The following CCSER1 variants were observed in gnomAD, a reference collection of about 807,000 sequenced individuals.
CCSER1 encodes the protein serine-rich coiled-coil domain-containing protein 1.
In CCSER1, 41 loss-of-function variants were observed where a neutral mutation model predicts 82.0. That is an observed-to-expected ratio of 0.50 (90% CI 0.39 to 0.65). The LOEUF (loss-of-function observed/expected upper bound fraction) is 0.65, where lower values mean the gene tolerates loss of function less well. Among genes scored for constraint, CCSER1 ranks in the 30% least tolerant of loss-of-function variants. CCSER1 has a pLI of 0.00. For missense variants in CCSER1, 1,119 were observed against 1,064.2 expected (o/e 1.05, Z -0.72); for synonymous variants, 414 against 383.9 (o/e 1.08, Z -0.92).
At chr4:90,561,205 A>G (rs530216281) in intron 5 of CCSER1, among the ~76,000 whole-genome samples, 2 of 152,302 alleles carry the variant, frequency 1.3e-5, no homozygotes, top group Admixed American at 6.5e-5. Flanking sequence ...ATCCTTTTCT[A>G]TCTCCTGCCT....
Position 90,271,858 on chromosome 4 carries a change from ATATATTTTTTTTT to A in CCSER1, c.-41-36384_-41-36372del, listed in dbSNP as rs1294889812. Among the ~76,000 whole-genome samples the A allele has an allele frequency of 2.5e-4, 6 of 24,392 alleles. No homozygotes were observed. In the East Asian group the frequency reaches 4.8e-3, roughly 19 times the overall value. The allele number at this position is 24,392 out of a possible 152,430, so 16.0% of individuals were successfully genotyped here. ...TATATATATATATATATATATATAT[ATATATTTTTTTTT>A]TTTTTTTTTTTTTTTTTTTAAAAGG... On this transcript the variant is annotated intron_variant, in intron 1 of 10. Transcript: ENST00000509176.
chr4:91,097,809 G>A (rs868317213), intron 10 of CCSER1, among the ~76,000 whole-genome samples: 3 of 152,108 alleles, frequency 2.0e-5, no homozygotes, highest in Non-Finnish European at 4.4e-5. Context: ...GGAAAAAAGT[G>A]TACATTTTAA....
chr4:91,236,515 A>G (rs1029428099), intron 10 of CCSER1, among the ~76,000 whole-genome samples: 5 of 152,038 alleles, frequency 3.3e-5, no homozygotes, highest in Non-Finnish European at 7.4e-5. Context: ...AAAATTGGTA[A>G]CTTTGTGGGT....
intron 10 of CCSER1, among the ~76,000 whole-genome samples, chr4:91,300,482 CAT>C (rs1744582752): frequency 6.6e-6 from 1 of 151,838 alleles, no homozygotes; most frequent in Admixed American, 6.6e-5. Flanking sequence ...GAGGCTGAGA[CAT>C]ATGCCTCAGG....
intron 1 of CCSER1, among the ~76,000 whole-genome samples, chr4:90,241,813 A>T (rs1297898555): frequency 6.6e-6 from 1 of 152,232 alleles, no homozygotes; most frequent in African/African-American, 2.4e-5. Context: ...GTTTAATTGT[A>T]ATATGGAAAA....
chr4:90,405,414 A>G (rs539998475), intron 4 of CCSER1, among the ~76,000 whole-genome samples: 1 of 152,352 alleles, frequency 6.6e-6, no homozygotes, highest in South Asian at 2.1e-4. Flanking sequence ...CAGAAGAGAT[A>G]TCTAAAAGTT....
intron 8 of CCSER1, chr4:90,839,015 G>C (rs1432144135): frequency 6.2e-7 from 1 of 1,612,362 alleles, no homozygotes; most frequent in East Asian, 2.2e-5. Flanking sequence ...CTCGATCTCA[G>C]CCATATCGGG....
At chr4:91,203,195 G>A (rs60585394) in intron 10 of CCSER1, among the ~76,000 whole-genome samples, 3,959 of 151,892 alleles carry the variant, frequency 0.026, 175 homozygotes, top group African/African-American at 0.091. Context: ...ATTCTAACTG[G>A]TGTGAGATGG....
intron 10 of CCSER1, among the ~76,000 whole-genome samples, chr4:91,151,327 A>AT (rs1730174579): frequency 6.6e-6 from 1 of 151,934 alleles, no homozygotes; most frequent in Non-Finnish European, 1.5e-5. Flanking sequence ...CCACTCTATC[A>AT]TTTTTTATTG....
chr4:90,734,045 T>C (rs1745232705), intron 7 of CCSER1, among the ~76,000 whole-genome samples: 2 of 151,982 alleles, frequency 1.3e-5, no homozygotes, highest in Admixed American at 6.5e-5. Flanking sequence ...TTTAGGATTG[T>C]TTTTAATATT....
rs1007696750 is a variant in CCSER1 at position 90,308,376 on chromosome 4, C to A, written c.92C>A (p.Ser31Tyr). The A allele has an allele frequency of 6.2e-7, 1 of 1,613,710 alleles. No individual in the cohort carries two copies. Among genetic ancestry groups the A allele is most frequent in the African/African-American group, 1.3e-5 (1 of 75,028 alleles). ...AACAGAAGACATGATTCTCTTCCTT[C>A]TTCACCTTCTTCCAGTAATACAGTT... ...SINRRHDSLP[S>Y]SPSSSNTVGV... The change falls in exon 2 of 11, where the codon TCT (serine) becomes TAT (tyrosine). Residue 31 changes from serine (S) to tyrosine (Y), a missense_variant. By Grantham distance (144) the Ser-to-Tyr change is moderately radical. Transcript: ENST00000509176.
At chr4:90,486,809 G>A (rs1427181658) in intron 5 of CCSER1, among the ~76,000 whole-genome samples, 1 of 152,174 alleles carries the variant, frequency 6.6e-6, no homozygotes, top group Non-Finnish European at 1.5e-5. Flanking sequence ...CTTGAGACTG[G>A]AAGACTGCAT....
intron 10 of CCSER1, among the ~76,000 whole-genome samples, chr4:91,277,083 A>G (rs535343664): frequency 1.1e-4 from 16 of 152,132 alleles, no homozygotes; most frequent in Admixed American, 2.6e-4. Context: ...TTTTGCATCT[A>G]TGTTTATCAG....
intron 10 of CCSER1, among the ~76,000 whole-genome samples, chr4:91,349,227 CTT>C (rs2149297386): frequency 6.6e-6 from 1 of 152,120 alleles, no homozygotes; most frequent in African/African-American, 2.4e-5. Flanking sequence ...TGTTGATTCT[CTT>C]TTTTCAATTT....
chr4:90,540,744 A>G (rs1013628249), intron 5 of CCSER1, among the ~76,000 whole-genome samples: 4 of 152,096 alleles, frequency 2.6e-5, no homozygotes, highest in African/African-American at 9.7e-5. Flanking sequence ...TTCAACACCT[A>G]CTGGGTTGCT....
At chr4:91,588,072 T>C (rs1442708813) in intron 10 of CCSER1, among the ~76,000 whole-genome samples, 1 of 151,644 alleles carries the variant, frequency 6.6e-6, no homozygotes, top group African/African-American at 2.4e-5. Context: ...CATCTGACTC[T>C]CATTATATTT....
At chr4:90,425,839 A>T (rs1757447193) in intron 4 of CCSER1, among the ~76,000 whole-genome samples, 1 of 152,160 alleles carries the variant, frequency 6.6e-6, no homozygotes, top group Admixed American at 6.5e-5. Flanking sequence ...GCAAATATTT[A>T]TTGAAGATTT....
chr4:91,508,957 T>C (rs1287041537), intron 10 of CCSER1, among the ~76,000 whole-genome samples: 4 of 152,034 alleles, frequency 2.6e-5, no homozygotes, highest in African/African-American at 7.2e-5. Flanking sequence ...CCTTTTTCAC[T>C]TATGATTTTA....
chr4:90,298,514 G>A (rs1732456941), intron 1 of CCSER1, among the ~76,000 whole-genome samples: 1 of 151,664 alleles, frequency 6.6e-6, no homozygotes, highest in Admixed American at 6.6e-5. Context: ...TCTGATTTTA[G>A]TTATTTCTTG....
Sources: gnomAD v4.1 joint callset for allele counts (sites outside exome capture counted in the v4.1 genomes callset) on GRCh38, gnomAD v4.1.1 for gene constraint, MANE v1.5 for transcripts, NCBI Gene and HGNC (gene_info 2026-07-23, HGNC 2026-07-21) for gene names.